Variants in RSRC1 observed in about 807,000 individuals in gnomAD.
RSRC1 encodes the protein arginine and serine rich coiled-coil 1.
RSRC1 carries 39 observed loss-of-function variants against 49.1 expected under a neutral mutation model. The observed-to-expected ratio is 0.79, with a 90% CI of 0.61 to 1.04. The LOEUF is 1.04. RSRC1 is among the 50% of genes least tolerant of loss of function. The pLI is 0.00. For missense variants in RSRC1, 388 were observed against 402.4 expected, an observed-to-expected ratio of 0.96 and a Z score of 0.31; for synonymous variants, 143 against 130.8, an observed-to-expected ratio of 1.09 and a Z score of -0.63.
intron 5 of RSRC1, among the ~76,000 whole-genome samples, chr3:158,344,646 C>G (rs897107404): frequency 6.6e-6 from 1 of 152,066 alleles, no homozygotes; most frequent in African/African-American, 2.4e-5. Context: ...GAAAATGACA[C>G]CAGATGAAAA....
chr3:158,284,960 T>G, intron 4 of RSRC1, among the ~76,000 whole-genome samples: 1 of 152,222 alleles, frequency 6.6e-6, no homozygotes, highest in Non-Finnish European at 1.5e-5. Flanking sequence ...AGACATGAAG[T>G]CCTTACTCAT....
At chr3:158,197,250 A>T in intron 3 of RSRC1, among the ~76,000 whole-genome samples, 1 of 152,124 alleles carries the variant, frequency 6.6e-6, no homozygotes, top group Non-Finnish European at 1.5e-5. Context: ...GTGTCGAGGA[A>T]TTTATCCATT....
At chr3:158,405,483 G>C (rs1005952242) in intron 6 of RSRC1, among the ~76,000 whole-genome samples, 1 of 151,938 alleles carries the variant, frequency 6.6e-6, no homozygotes, top group African/African-American at 2.4e-5. Flanking sequence ...ACTGTTCAAG[G>C]GTGCAGAATA....
intron 6 of RSRC1, among the ~76,000 whole-genome samples, chr3:158,432,799 A>G (rs186640553): frequency 2.8e-4 from 42 of 152,048 alleles, no homozygotes; most frequent in Middle Eastern, 3.4e-3. Flanking sequence ...CATAATTTGT[A>G]GCATTGACAT....
At chr3:158,147,104 T>C (rs1717185496) in intron 3 of RSRC1, among the ~76,000 whole-genome samples, 1 of 89,712 alleles carries the variant, frequency 1.1e-5, no homozygotes, top group Non-Finnish European at 2.8e-5. Context: ...TTTTCTGCCT[T>C]TTTTTTTTTT....
intron 7 of RSRC1, among the ~76,000 whole-genome samples, chr3:158,463,206 G>A (rs900600518): frequency 6.6e-6 from 1 of 152,010 alleles, no homozygotes; most frequent in Admixed American, 6.6e-5. Flanking sequence ...ATAATTTAGA[G>A]CATGCAAAAT....
chr3:158,144,526 G>A (rs1716957194), intron 3 of RSRC1, among the ~76,000 whole-genome samples: 1 of 152,140 alleles, frequency 6.6e-6, no homozygotes, highest in South Asian at 2.1e-4. Flanking sequence ...TCTTAATCCA[G>A]TCTATCACTG....
At chr3:158,281,482 T>C (rs141216974) in intron 4 of RSRC1, among the ~76,000 whole-genome samples, 152 of 152,274 alleles carry the variant, frequency 1.0e-3, no homozygotes, top group African/African-American at 3.4e-3. Context: ...GAAGAAATTA[T>C]AGCACAAGAC....
chr3:158,132,225 A>G (rs558819341), intron 3 of RSRC1: 19 of 390,862 alleles, frequency 4.9e-5, no homozygotes, highest in Non-Finnish European at 8.5e-5. Flanking sequence ...AGCTCAAGCG[A>G]TCCCCCTGCC....
intron 7 of RSRC1, among the ~76,000 whole-genome samples, chr3:158,519,760 A>G (rs1212828561): frequency 6.6e-6 from 1 of 152,166 alleles, no homozygotes; most frequent in African/African-American, 2.4e-5. Flanking sequence ...ATGAGTCTAA[A>G]GTTTGGGAAA....
chr3:158,466,477 A>G (rs1737896462), intron 7 of RSRC1, among the ~76,000 whole-genome samples: 1 of 152,216 alleles, frequency 6.6e-6, no homozygotes, highest in African/African-American at 2.4e-5. Context: ...GATACTTGCA[A>G]TATAAATTAA....
chr3:158,191,815 C>T (rs1475869535), intron 3 of RSRC1, among the ~76,000 whole-genome samples: 1 of 151,942 alleles, frequency 6.6e-6, no homozygotes, highest in Non-Finnish European at 1.5e-5. Flanking sequence ...GGTAGGAAAT[C>T]TCTTTACTCT....
At chr3:158,316,702 C>T (rs1301471789) in intron 5 of RSRC1, among the ~76,000 whole-genome samples, 1 of 152,058 alleles carries the variant, frequency 6.6e-6, no homozygotes, top group African/African-American at 2.4e-5. Flanking sequence ...CCTCGGCCTC[C>T]CAAAGTGCTG....
intron 3 of RSRC1, among the ~76,000 whole-genome samples, chr3:158,144,715 C>T (rs182015199): frequency 0.036 from 5,515 of 152,212 alleles, 330 homozygotes; most frequent in African/African-American, 0.13. Context: ...GCCACACTGA[C>T]TTCCACAATG....
intron 5 of RSRC1, among the ~76,000 whole-genome samples, chr3:158,341,229 A>C: frequency 6.6e-6 from 1 of 152,244 alleles, no homozygotes; most frequent in African/African-American, 2.4e-5. Context: ...AAGGAGCCTC[A>C]TGTTAATCCC....
intron 4 of RSRC1, among the ~76,000 whole-genome samples, chr3:158,212,330 A>T (rs964523969): frequency 3.3e-5 from 5 of 151,884 alleles, no homozygotes; most frequent in South Asian, 4.1e-4. Context: ...GTGTGCATTC[A>T]CATACATACA....
Position 158,385,244 on chromosome 3 carries a change from C to T in RSRC1, c.583+30336C>T, listed in dbSNP as rs540242964. ...ATAACAGTTCCTGACACTATTCCTG[C>T]CACCTTGTAGCTCACCGTCCTAGTG... On this transcript the variant is annotated intron_variant, in intron 6 of 9. Coordinates refer to ENST00000611884, the MANE Select transcript of RSRC1 (RefSeq NM_001271838.2). 3.3e-5 allele frequency among the ~76,000 whole-genome samples: 5 copies of T among 152,226 alleles called. No individual in the cohort carries two copies. In the South Asian group the frequency reaches 1.0e-3, roughly 32 times the overall value.
In RSRC1 at chr3:158,121,406, A is replaced by G. The variant is rs375033005; in HGVS notation, c.-2-697A>G. Among the ~76,000 whole-genome samples, 14 of 152,238 alleles carry G rather than the reference A, an allele frequency of 9.2e-5. No homozygotes were observed. The East Asian group carries it at 2.5e-3, about 27-fold the overall frequency. ...ATTTATTGTTTTATTGCTTTCTAAAAAGATTATTCTACCACCTTATAGAGA... is the reference window on the plus strand; with the variant it reads ...ATTTATTGTTTTATTGCTTTCTAAAGAGATTATTCTACCACCTTATAGAGA... On this transcript the variant is annotated intron_variant, in intron 1 of 9. Transcript: ENST00000611884.
intron 4 of RSRC1, among the ~76,000 whole-genome samples, chr3:158,232,865 T>TA (rs1723043760): frequency 1.3e-5 from 2 of 152,142 alleles, no homozygotes; most frequent in African/African-American, 4.8e-5. Flanking sequence ...GATTTATACT[T>TA]ATATGACATG....
Sources: allele counts gnomAD v4.1 joint callset (sites outside exome capture counted in the v4.1 genomes callset), GRCh38; gene constraint gnomAD v4.1.1; transcripts MANE v1.5; gene names NCBI Gene and HGNC (gene_info 2026-07-23, HGNC 2026-07-21).